Variants in FAM13A observed in about 807,000 individuals in gnomAD.
The protein encoded by FAM13A is family with sequence similarity 13 member A, also known as protein FAM13A.
In FAM13A, 76 loss-of-function variants were observed where a neutral mutation model predicts 129.6. That is an observed-to-expected ratio of 0.59 (90% CI 0.49 to 0.71). The LOEUF is 0.71. FAM13A is among the 30% of genes least tolerant of loss of function. The pLI is 0.00. For missense variants in FAM13A, 1,108 were observed against 1,249.3 expected (o/e 0.89, Z 1.70); for synonymous variants, 443 against 449.9 (o/e 0.98, Z 0.20).
At chr4:88,961,029 C>T (rs1579510538) in intron 4 of FAM13A, among the ~76,000 whole-genome samples, 1 of 152,048 alleles carries the variant, frequency 6.6e-6, no homozygotes, top group Non-Finnish European at 1.5e-5. Context: ...AGTTTTTAGA[C>T]CAAAAGTTGA....
intron 11 of FAM13A, among the ~76,000 whole-genome samples, chr4:88,775,357 G>A (rs1242682492): frequency 2.0e-5 from 3 of 152,124 alleles, no homozygotes. Flanking sequence ...GTTGGAGTTC[G>A]GGTTGGGGTT....
At chr4:89,002,212 G>T (rs914387051) in intron 3 of FAM13A, among the ~76,000 whole-genome samples, 1 of 147,812 alleles carries the variant, frequency 6.8e-6, no homozygotes, top group African/African-American at 2.5e-5. Context: ...AGAGGAAACA[G>T]AAGAGTATGA....
At chr4:88,952,261 A>G (rs905968137) in intron 4 of FAM13A, among the ~76,000 whole-genome samples, 2 of 152,176 alleles carry the variant, frequency 1.3e-5, no homozygotes, top group Admixed American at 6.5e-5. Context: ...TGTCAGGGGA[A>G]TAAATACCAA....
chr4:88,855,166 A>G (rs1738279977), intron 6 of FAM13A, among the ~76,000 whole-genome samples: 1 of 152,244 alleles, frequency 6.6e-6, no homozygotes, highest in Non-Finnish European at 1.5e-5. Context: ...AATTGCAAGA[A>G]TAAATGGCAT....
At chr4:89,015,098 T>C (rs185601709) in intron 3 of FAM13A, among the ~76,000 whole-genome samples, 75 of 152,330 alleles carry the variant, frequency 4.9e-4, no homozygotes, top group African/African-American at 1.7e-3. Context: ...AAATAAGCCC[T>C]GGTCTCCTGT....
At chr4:88,968,934 TA>T (rs1277371462) in intron 4 of FAM13A, among the ~76,000 whole-genome samples, 1 of 152,164 alleles carries the variant, frequency 6.6e-6, no homozygotes, top group African/African-American at 2.4e-5. Flanking sequence ...AGATACACTT[TA>T]ACTAAGGGGG....
intron 11 of FAM13A, among the ~76,000 whole-genome samples, chr4:88,777,258 T>C (rs1165022397): frequency 1.3e-5 from 2 of 152,178 alleles, no homozygotes; most frequent in African/African-American, 2.4e-5. Context: ...ACTTTTCACC[T>C]TAGAGGTTAG....
chr4:88,877,169 C>T (rs1036539757), intron 6 of FAM13A, among the ~76,000 whole-genome samples: 5 of 152,114 alleles, frequency 3.3e-5, no homozygotes, highest in African/African-American at 1.2e-4. Flanking sequence ...AATACTGAGT[C>T]TGATGTATGC....
chr4:88,947,710 C>T (rs1359538397), intron 4 of FAM13A, among the ~76,000 whole-genome samples: 1 of 151,694 alleles, frequency 6.6e-6, no homozygotes, highest in Non-Finnish European at 1.5e-5. Flanking sequence ...ACTTCCTCTG[C>T]TTGATTTCCT....
At chr4:88,944,148 A>G (rs1230241156) in intron 4 of FAM13A, among the ~76,000 whole-genome samples, 1 of 151,954 alleles carries the variant, frequency 6.6e-6, no homozygotes, top group African/African-American at 2.4e-5. Context: ...GGTGGACTTG[A>G]GGCCAGGAGT....
intron 20 of FAM13A, among the ~76,000 whole-genome samples, chr4:88,738,580 C>A (rs968119361): frequency 1.3e-5 from 2 of 152,156 alleles, no homozygotes; most frequent in South Asian, 4.1e-4. Flanking sequence ...GCCTCTCTCT[C>A]GTTTCTCAGA....
intron 7 of FAM13A, among the ~76,000 whole-genome samples, chr4:88,817,339 G>C (rs1285904586): frequency 1.3e-5 from 2 of 152,094 alleles, no homozygotes; most frequent in Non-Finnish European, 2.9e-5. Context: ...GAGGCGGGTA[G>C]ATCACTTGAG....
intron 1 of FAM13A, among the ~76,000 whole-genome samples, chr4:89,035,858 C>T (rs548617421): frequency 6.6e-6 from 1 of 152,298 alleles, no homozygotes; most frequent in East Asian, 1.9e-4. Flanking sequence ...CCTGTACAGC[C>T]TGCAGAACTG....
At chr4:88,738,856 G>A (rs559425606) in intron 20 of FAM13A, among the ~76,000 whole-genome samples, 174 bp downstream of exon 20, 1 of 152,274 alleles carries the variant, frequency 6.6e-6, no homozygotes, top group South Asian at 2.1e-4. Flanking sequence ...GTAGCCTCAG[G>A]GGTCTTTGAT....
intron 4 of FAM13A, among the ~76,000 whole-genome samples, chr4:88,972,860 G>A (rs1034922667): frequency 1.3e-5 from 2 of 152,078 alleles, no homozygotes; most frequent in African/African-American, 4.8e-5. Context: ...CACCTGCCTT[G>A]ACCTCCCAAA....
At chr4:88,932,851 C>A (rs1000434744) in intron 5 of FAM13A, among the ~76,000 whole-genome samples, 1 of 152,096 alleles carries the variant, frequency 6.6e-6, no homozygotes, top group African/African-American at 2.4e-5. Context: ...TTGCTCAGAG[C>A]ATTTGTTAGT....
At chr4:88,916,604 C>T (rs1750161227) in intron 5 of FAM13A, among the ~76,000 whole-genome samples, 1 of 152,166 alleles carries the variant, frequency 6.6e-6, no homozygotes, top group Non-Finnish European at 1.5e-5. Context: ...TAATTATCCA[C>T]TACCATATGC....
At chr4:88,996,473 T>C (rs1763554541) in intron 3 of FAM13A, among the ~76,000 whole-genome samples, 1 of 152,244 alleles carries the variant, frequency 6.6e-6, no homozygotes, top group African/African-American at 2.4e-5. Flanking sequence ...GTGTTGGAAG[T>C]TGTTTTATTC....
chr4:88,973,701 ATT>A (rs370860450), intron 4 of FAM13A, among the ~76,000 whole-genome samples: 1 of 151,874 alleles, frequency 6.6e-6, no homozygotes, highest in Non-Finnish European at 1.5e-5. Flanking sequence ...CTGCTTTGTG[ATT>A]TTTTTCATGA....
Sources: gnomAD v4.1 joint callset for allele counts (sites outside exome capture counted in the v4.1 genomes callset) on GRCh38, gnomAD v4.1.1 for gene constraint, MANE v1.5 for transcripts, NCBI Gene and HGNC (gene_info 2026-07-23, HGNC 2026-07-21) for gene names.